The following SHOC2 variants were observed in gnomAD, a reference collection of about 807,000 sequenced individuals.
SHOC2 encodes the protein leucine-rich repeat protein SHOC-2.
In SHOC2, 4 loss-of-function variants were observed where a neutral mutation model predicts 50.2. The observed-to-expected ratio is 0.08, with a 90% CI of 0.04 to 0.18. SHOC2 has a LOEUF of 0.18. Ranked by LOEUF, SHOC2 falls within the 10% of genes least tolerant of loss-of-function variation. SHOC2 has a pLI of 1.00. For synonymous variants in SHOC2, 218 were observed against 244.5 expected, an observed-to-expected ratio of 0.89 and a Z score of 1.01; for missense variants, 388 against 669.6, an observed-to-expected ratio of 0.58 and a Z score of 4.64.
chr10:110,985,566 A>G (rs1848061446), intron 2 of SHOC2, 62 bp from the exon 3 acceptor site: 1 of 1,219,172 alleles, frequency 8.2e-7, no homozygotes, highest in Non-Finnish European at 1.2e-6. Flanking sequence ...TCTTGCTTAG[A>G]AGTATTATCT....
chr10:110,939,676 A>T (rs1223888518), intron 1 of SHOC2, among the ~76,000 whole-genome samples: 3 of 152,250 alleles, frequency 2.0e-5, no homozygotes. Context: ...TCAAGTTTCT[A>T]GACATCTAGT....
chr10:110,933,044 G>A (rs9804245), intron 1 of SHOC2, among the ~76,000 whole-genome samples: 10,942 of 152,176 alleles, frequency 0.072, 778 homozygotes, highest in East Asian at 0.3. Flanking sequence ...GCTGGAAGTA[G>A]TAGATATATT....
intron 1 of SHOC2, among the ~76,000 whole-genome samples, chr10:110,920,355 T>C (rs928846092): frequency 1.3e-5 from 2 of 152,022 alleles, no homozygotes; most frequent in African/African-American, 4.8e-5. Context: ...GGAAAAGTAG[T>C]CTCACTCTTC....
At chr10:110,957,601 A>G (rs1156794695) in intron 1 of SHOC2, among the ~76,000 whole-genome samples, 2 of 140,928 alleles carry the variant, frequency 1.4e-5, no homozygotes, top group Admixed American at 7.7e-5. Flanking sequence ...TCCTCTAATT[A>G]TCTAAGAAAC....
At chr10:111,006,372 T>C (rs984655453) in intron 5 of SHOC2, among the ~76,000 whole-genome samples, 3 of 152,126 alleles carry the variant, frequency 2.0e-5, no homozygotes, top group Non-Finnish European at 4.4e-5. Context: ...AAATTTTTTT[T>C]TGTTGTTGTT....
intron 1 of SHOC2, chr10:110,937,143 G>A (rs1056194148): frequency 1.3e-6 from 2 of 1,506,384 alleles, no homozygotes; most frequent in Admixed American, 1.7e-5. Flanking sequence ...ACCACCTTCC[G>A]GCCCAGCAGT....
chr10:110,926,849 G>T (rs1448165304), intron 1 of SHOC2, among the ~76,000 whole-genome samples: 8 of 152,174 alleles, frequency 5.3e-5, no homozygotes, highest in South Asian at 2.1e-4. Context: ...AATATAGTAG[G>T]TAACAGTATT....
intron 2 of SHOC2, among the ~76,000 whole-genome samples, chr10:110,985,228 GTGCTGAATTTGGTTAACAAAA>G (rs1848056065): frequency 6.6e-6 from 1 of 152,098 alleles, no homozygotes; most frequent in East Asian, 1.9e-4. Context: ...TGATATTATT[GTGCTGAATTTGGTTAACAAAA>G]TCAGTACTTC....
chr10:110,979,977 A>T (rs954158436), intron 2 of SHOC2, among the ~76,000 whole-genome samples: 13 of 152,210 alleles, frequency 8.5e-5, no homozygotes, highest in African/African-American at 2.4e-4. Flanking sequence ...CCAAATTAAG[A>T]ACAGAAATTG....
chr10:111,003,519 C>T (rs1362102442), intron 4 of SHOC2, among the ~76,000 whole-genome samples: 3 of 152,066 alleles, frequency 2.0e-5, no homozygotes, highest in Non-Finnish European at 4.4e-5. Flanking sequence ...TGTATTTTAT[C>T]GCTTTTAGTC....
chr10:110,940,937 T>TGACAGGG (rs1847129816), intron 1 of SHOC2, among the ~76,000 whole-genome samples: 2 of 19,888 alleles, frequency 1.0e-4, no homozygotes, highest in African/African-American at 3.1e-4. Flanking sequence ...TTTTTTTTTT[T>TGACAGGG]TTTTTTTTTT....
intron 3 of SHOC2, among the ~76,000 whole-genome samples, chr10:110,990,069 G>A (rs570558313): frequency 1.0e-3 from 154 of 152,304 alleles, no homozygotes; most frequent in African/African-American, 3.5e-3. Flanking sequence ...TCACATAAAA[G>A]CACTTTCAAA....
intron 2 of SHOC2, among the ~76,000 whole-genome samples, chr10:110,973,939 C>G (rs752526822): frequency 6.6e-6 from 1 of 151,688 alleles, no homozygotes; most frequent in Non-Finnish European, 1.5e-5. Flanking sequence ...TTTGGGCCTT[C>G]TCTCTTTGCT....
intron 5 of SHOC2, among the ~76,000 whole-genome samples, chr10:111,005,593 A>G (rs879436158): frequency 6.6e-6 from 1 of 152,220 alleles, no homozygotes; most frequent in African/African-American, 2.4e-5. Context: ...ATTTATACGT[A>G]TAGCTGGTTT....
intron 1 of SHOC2, among the ~76,000 whole-genome samples, chr10:110,924,678 C>T (rs1846721141): frequency 1.3e-5 from 2 of 152,124 alleles, no homozygotes; most frequent in African/African-American, 4.8e-5. Context: ...GAAAAATTTT[C>T]ACCTATTTTT....
At chr10:111,004,833 T>G in intron 5 of SHOC2, 39 bp downstream of exon 5, 2 of 1,390,774 alleles carry the variant, frequency 1.4e-6, no homozygotes, top group South Asian at 1.2e-5. Flanking sequence ...GGAATTGCTT[T>G]AATTGGTACT....
intron 1 of SHOC2, among the ~76,000 whole-genome samples, chr10:110,922,126 A>G (rs1277644016): frequency 6.6e-6 from 1 of 152,154 alleles, no homozygotes; most frequent in Non-Finnish European, 1.5e-5. Context: ...GAAAATTACA[A>G]ATTCCTTTGT....
At chr10:110,947,627 A>G (rs1847270953) in intron 1 of SHOC2, among the ~76,000 whole-genome samples, 1 of 152,218 alleles carries the variant, frequency 6.6e-6, no homozygotes, top group Admixed American at 6.5e-5. Context: ...TGGAGAAGTT[A>G]AGAGTTTTTG....
intron 3 of SHOC2, among the ~76,000 whole-genome samples, chr10:110,998,221 A>T (rs1848304519): frequency 6.6e-6 from 1 of 151,700 alleles, no homozygotes; most frequent in Admixed American, 6.6e-5. Flanking sequence ...CTGGTCTCGA[A>T]CTCCTGACCT....
Sources: allele counts gnomAD v4.1 joint callset (sites outside exome capture counted in the v4.1 genomes callset), GRCh38; gene constraint gnomAD v4.1.1; transcripts MANE v1.5; gene names NCBI Gene and HGNC (gene_info 2026-07-23, HGNC 2026-07-21).